HDX: variants seen among roughly 807,000 people sequenced by gnomAD.
HDX encodes highly divergent homeobox.
HDX carries 19 observed loss-of-function variants against 45.2 expected under a neutral mutation model. The observed-to-expected ratio is 0.42, with a 90% confidence interval of 0.29 to 0.62. The LOEUF is 0.62. HDX is among the 20% of genes least tolerant of loss of function. HDX has a pLI of 0.20. For synonymous variants in HDX, 188 were observed against 172.8 expected, an observed-to-expected ratio of 1.09 and a Z score of -0.69; for missense variants, 532 against 493.9, an observed-to-expected ratio of 1.08 and a Z score of -0.73.
At chrX:84,381,622 A>G (rs1283227189) in intron 5 of HDX, among the ~76,000 whole-genome samples, 1 of 111,789 alleles carries the variant, frequency 8.9e-6, no homozygotes, top group Non-Finnish European at 1.9e-5. Flanking sequence ...TCTTCAATAA[A>G]TGGTGCTGGG....
chrX:84,339,726 C>T (rs747045578), intron 7 of HDX, among the ~76,000 whole-genome samples: 30 of 110,863 alleles, frequency 2.7e-4, no homozygotes, highest in South Asian at 7.5e-4. Flanking sequence ...TATGTGGTGG[C>T]TGTATGTACT....
intron 5 of HDX, among the ~76,000 whole-genome samples, chrX:84,435,510 T>A (rs1417612791): frequency 9.1e-6 from 1 of 110,073 alleles, no homozygotes; most frequent in East Asian, 2.9e-4. Context: ...ACGTTGTAGG[T>A]TGCCTGTTCA....
chrX:84,459,057 A>G (rs1441738314), intron 4 of HDX, among the ~76,000 whole-genome samples: 1 of 112,324 alleles, frequency 8.9e-6, no homozygotes. Flanking sequence ...ATGGAATAAA[A>G]CTAGAAATCA....
chrX:84,389,354 C>G lies in HDX; in HGVS notation c.1306-27742G>C, dbSNP rs72632477. ...ACACAGTGGCCACACCCTTTCTGGA[C>G]CAGCCTGGCAGAGGAAGGCACACCC... is the stretch of plus-strand genomic sequence containing the variant. On this transcript the variant is annotated intron_variant, in intron 5 of 10. Transcript: ENST00000373177. Among the ~76,000 whole-genome samples, 124 of 111,830 alleles carry G rather than the reference C, an allele frequency of 1.1e-3. 1 individual carries two copies. The East Asian group carries it at 0.025, about 23-fold the overall frequency.
rs781741769 is a variant in HDX at position 84,319,143 on chromosome X, G to GTTGTTTT, written c.*2739_*2745dup. On this transcript the variant is annotated 3_prime_UTR_variant, in exon 11 of 11. Coordinates refer to ENST00000373177, the MANE Select transcript of HDX (RefSeq NM_001177479.2). ...AGAAAAAAAGAAGTTTTTTCTTGTT[G>GTTGTTTT]TTGTTTTTTGTTTTTTGTTTTTTTC... 1 of 110,371 alleles carries GTTGTTTT rather than the reference G, an allele frequency of 9.1e-6. No individual in the cohort carries two copies. Among genetic ancestry groups the GTTGTTTT allele is most frequent in the African/African-American group, 3.3e-5 (1 of 30,639 alleles). 9.1% of individuals were successfully genotyped at this position (110,371 alleles called of 1,213,427 possible). A position where few individuals can be genotyped will look rare whatever the true frequency, so the allele number is the denominator to read the frequency against.
chrX:84,381,885 G>T (rs1036684767), intron 5 of HDX, among the ~76,000 whole-genome samples: 2 of 110,558 alleles, frequency 1.8e-5, no homozygotes, highest in African/African-American at 3.3e-5. Context: ...TCTTCTGCAC[G>T]ACAAAGAAAA....
chrX:84,406,774 A>G (rs2038840167), intron 5 of HDX, among the ~76,000 whole-genome samples: 1 of 110,971 alleles, frequency 9.0e-6, no homozygotes, highest in African/African-American at 3.3e-5. Context: ...CTTGACTCAG[A>G]AGGCTTTCTT....
At chrX:84,395,342 A>G (rs1010691488) in intron 5 of HDX, among the ~76,000 whole-genome samples, 6 of 75,559 alleles carry the variant, frequency 7.9e-5, no homozygotes, top group African/African-American at 2.8e-4. Context: ...CATTGAGAGT[A>G]GTATCCTTTA....
At chrX:84,463,345 A>T (rs896583520) in intron 4 of HDX, among the ~76,000 whole-genome samples, 2 of 111,269 alleles carry the variant, frequency 1.8e-5, no homozygotes, top group African/African-American at 3.3e-5. Flanking sequence ...GAGTTGGTTT[A>T]AATGCCACGA....
At chrX:84,368,868 A>T (rs1251547336) in intron 5 of HDX, among the ~76,000 whole-genome samples, 3 of 110,998 alleles carry the variant, frequency 2.7e-5, no homozygotes, top group Admixed American at 9.7e-5. Context: ...CATTAATTAG[A>T]TTCTCATAAG....
chrX:84,333,553 C>A (rs901632271), intron 9 of HDX, among the ~76,000 whole-genome samples: 2 of 110,997 alleles, frequency 1.8e-5, no homozygotes, highest in East Asian at 2.8e-4. Context: ...CTCCACTCAG[C>A]AAACTCTTTG....
At chrX:84,415,863 T>C (rs1348045716) in intron 5 of HDX, among the ~76,000 whole-genome samples, 1 of 111,954 alleles carries the variant, frequency 8.9e-6, no homozygotes, top group African/African-American at 3.2e-5. Flanking sequence ...TTTATATGAA[T>C]AGAACGTTAA....
intron 5 of HDX, among the ~76,000 whole-genome samples, chrX:84,369,529 C>T (rs1182285783): frequency 8.9e-6 from 1 of 112,265 alleles, no homozygotes; most frequent in East Asian, 2.8e-4. Flanking sequence ...CTCACATTCC[C>T]ACTAACAGTG....
intron 1 of HDX, among the ~76,000 whole-genome samples, chrX:84,490,539 C>T (rs533073408): frequency 9.0e-6 from 1 of 111,094 alleles, no homozygotes; most frequent in South Asian, 3.7e-4. Flanking sequence ...CACATATTTA[C>T]TATTTCCAGT....
intron 5 of HDX, among the ~76,000 whole-genome samples, chrX:84,413,432 C>T (rs1050927050): frequency 4.5e-5 from 5 of 111,705 alleles, no homozygotes; most frequent in African/African-American, 1.6e-4. Flanking sequence ...CAGCTCAGCA[C>T]TCCTGTGCTG....
intron 5 of HDX, among the ~76,000 whole-genome samples, chrX:84,411,941 A>T (rs2038996266): frequency 9.0e-6 from 1 of 110,571 alleles, no homozygotes; most frequent in Admixed American, 9.6e-5. Context: ...TTTTTTTATC[A>T]TTTTTGGTAT....
chrX:84,431,610 A>T (rs1009326641), intron 5 of HDX, among the ~76,000 whole-genome samples: 6 of 111,329 alleles, frequency 5.4e-5, no homozygotes, highest in African/African-American at 2.0e-4. Context: ...GAGCATTTTC[A>T]TATGCATTTT....
At chrX:84,352,776 G>A (rs755046003) in intron 6 of HDX, among the ~76,000 whole-genome samples, 1 of 112,081 alleles carries the variant, frequency 8.9e-6, no homozygotes, top group South Asian at 3.7e-4. Flanking sequence ...TCTTACTAAA[G>A]CTTCTTAAAA....
At chrX:84,329,450 C>T (rs2036796722) in intron 9 of HDX, among the ~76,000 whole-genome samples, 1 of 56,958 alleles carries the variant, frequency 1.8e-5, no homozygotes, top group Non-Finnish European at 3.2e-5. Context: ...ACGTAAGACT[C>T]AGCAATCCTA....
Sources: gnomAD v4.1 joint callset for allele counts (sites outside exome capture counted in the v4.1 genomes callset) on GRCh38, gnomAD v4.1.1 for gene constraint, MANE v1.5 for transcripts, NCBI Gene and HGNC (gene_info 2026-07-23, HGNC 2026-07-21) for gene names.